The following DAP3 variants were observed in gnomAD, a reference collection of about 807,000 sequenced individuals.
DAP3 encodes the protein death associated protein 3.
In DAP3, 28 loss-of-function variants were observed where a neutral mutation model predicts 51.9. The ratio of observed to expected loss-of-function variants is 0.54; its 90% CI spans 0.40 to 0.74. The LOEUF (loss-of-function observed/expected upper bound fraction) is 0.74. DAP3 is among the 30% of genes least tolerant of loss of function. The probability of loss-of-function intolerance (pLI) is 0.00; values close to 1 mark genes in which losing one functional copy is unlikely to be tolerated. For missense variants in DAP3, 458 were observed against 483.5 expected, an observed-to-expected ratio of 0.95 and a Z score of 0.49; for synonymous variants, 170 against 170.3, an observed-to-expected ratio of 1.00 and a Z score of 0.01.
chr1:155,730,179 A>G (rs989685621), intron 9 of DAP3, among the ~76,000 whole-genome samples: 6 of 147,904 alleles, frequency 4.1e-5, no homozygotes, highest in Non-Finnish European at 7.4e-5. Context: ...ATGTTCATAT[A>G]TGTATATATA....
At chr1:155,696,580 A>C (rs1055077852) in intron 1 of DAP3, among the ~76,000 whole-genome samples, 5 of 152,266 alleles carry the variant, frequency 3.3e-5, no homozygotes, top group Admixed American at 1.3e-4. Flanking sequence ...TGTTATAAGC[A>C]ATCCAGCATT....
chr1:155,689,669 T>G, intron 1 of DAP3: 1 of 328,010 alleles, frequency 3.0e-6, no homozygotes, highest in Non-Finnish European at 5.9e-6. Flanking sequence ...ATCCCAGCAC[T>G]TTGGGAGGCC....
At chr1:155,704,705 G>A (rs537969928) in intron 1 of DAP3, among the ~76,000 whole-genome samples, 26 of 152,282 alleles carry the variant, frequency 1.7e-4, no homozygotes, top group African/African-American at 5.5e-4. Flanking sequence ...GTATGGCTGG[G>A]CAGGTGGCTT....
At chr1:155,700,743 T>G (rs1289757502) in intron 1 of DAP3, among the ~76,000 whole-genome samples, 17 of 87,410 alleles carry the variant, frequency 1.9e-4, no homozygotes, top group East Asian at 3.5e-4. Flanking sequence ...GGGAGGGAGG[T>G]GGGGGGGTCA....
chr1:155,721,420 A>G, intron 3 of DAP3, 97 bp from the exon 4 acceptor site: 2 of 693,528 alleles, frequency 2.9e-6, no homozygotes, highest in East Asian at 5.6e-5. Flanking sequence ...ATATATATAC[A>G]CATAGACATA....
chr1:155,716,856 A>G, intron 2 of DAP3, 150 bp from the exon 3 acceptor site: 1 of 1,074,976 alleles, frequency 9.3e-7, no homozygotes, highest in Non-Finnish European at 1.3e-6. Flanking sequence ...CTGAGGCAGG[A>G]GAATCACTTG....
At chr1:155,734,566 C>T (rs1257888816) in intron 11 of DAP3, among the ~76,000 whole-genome samples, 3 of 152,146 alleles carry the variant, frequency 2.0e-5, no homozygotes, top group Non-Finnish European at 2.9e-5. Context: ...CCTGGAATCT[C>T]CATTTCTCCA....
upstream of DAP3, chr1:155,688,692 C>T (rs2149090660): frequency 4.6e-6 from 7 of 1,525,252 alleles, no homozygotes; most frequent in Non-Finnish European, 5.2e-6. Flanking sequence ...TTCTCCACCT[C>T]CTCTTCTCTC....
chr1:155,692,310 A>G (rs1312416226), intron 1 of DAP3, among the ~76,000 whole-genome samples: 1 of 141,586 alleles, frequency 7.1e-6, no homozygotes, highest in Non-Finnish European at 1.5e-5. Context: ...GGCTTTCCAC[A>G]ACTTACTGTC....
upstream of DAP3, chr1:155,688,229 G>A: frequency 1.2e-6 from 2 of 1,613,032 alleles, no homozygotes; most frequent in Non-Finnish European, 1.7e-6. Flanking sequence ...GAGGAGAAGG[G>A]AAAGGTGGAG....
At chr1:155,720,516 C>T (rs2149172591) in intron 3 of DAP3, among the ~76,000 whole-genome samples, 1 of 151,686 alleles carries the variant, frequency 6.6e-6, no homozygotes, top group African/African-American at 2.4e-5. Flanking sequence ...GGCATGGTGG[C>T]ACATGCCTGT....
intron 2 of DAP3, among the ~76,000 whole-genome samples, chr1:155,715,611 A>G (rs1657243793): frequency 6.6e-6 from 1 of 151,644 alleles, no homozygotes; most frequent in African/African-American, 2.4e-5. Flanking sequence ...TTATTAAGCA[A>G]CTCCCTTATT....
rs949264882 is a variant in DAP3 at position 155,731,258 on chromosome 1, C to T, written c.844-98C>T. 6 of 1,212,368 alleles carry T rather than the reference C, an allele frequency of 4.9e-6. No individual in the cohort carries two copies. In the East Asian group the frequency reaches 1.2e-4, roughly 24 times the overall value. 75.1% of individuals were successfully genotyped at this position (1,212,368 alleles called of 1,614,324 possible). A position where few individuals can be genotyped will look rare whatever the true frequency, so the allele number is the denominator to read the frequency against. The stretch of plus-strand genomic sequence containing the variant: ...CTCCAGCCTGGGCGACAGAGCGAGA[C>T]TCTGTCAAAAAAAAAAAAAAATTGT... On this transcript the variant is annotated intron_variant, in intron 9 of 12. Transcript: ENST00000368336.
intron 6 of DAP3, 166 bp from the exon 7 acceptor site, chr1:155,727,442 C>T: frequency 1.7e-6 from 1 of 602,348 alleles, no homozygotes; most frequent in South Asian, 3.5e-5. Flanking sequence ...GCCTTCTAGC[C>T]TGGGTGACAG....
chr1:155,700,783 G>T (rs1479832198), intron 1 of DAP3, among the ~76,000 whole-genome samples: 2 of 139,708 alleles, frequency 1.4e-5, no homozygotes, highest in African/African-American at 2.7e-5. Flanking sequence ...GCGCCGTCTG[G>T]GAGGTGAGGG....
chr1:155,735,144 G>A (rs142746211), intron 11 of DAP3, among the ~76,000 whole-genome samples: 148 of 151,416 alleles, frequency 9.8e-4, no homozygotes, highest in African/African-American at 3.2e-3. Flanking sequence ...TTAGCCGGGC[G>A]TGGTGGGGCG....
rs2101541167 is a variant in DAP3 at position 155,738,458 on chromosome 1, T to A, written c.*216T>A. ...CCTTGTTCCTAAAACTTTATATCAG[T>A]TTATTGGATGTGGTTTTTCACATTT... On this transcript the variant is annotated 3_prime_UTR_variant, in exon 13 of 13. Coordinates refer to ENST00000368336, the MANE Select transcript of DAP3 (RefSeq NM_004632.4). 2 of 427,884 alleles carry A rather than the reference T, an allele frequency of 4.7e-6. No homozygotes were observed. The highest frequency in any genetic ancestry group is 8.2e-6 in the Non-Finnish European group (2 of 242,666). 26.5% of individuals were successfully genotyped at this position (427,884 alleles called of 1,614,324 possible).
chr1:155,708,702 T>C (rs1461438785), intron 1 of DAP3, among the ~76,000 whole-genome samples: 2 of 130,380 alleles, frequency 1.5e-5, no homozygotes, highest in African/African-American at 2.9e-5. Context: ...TCCTGACTAA[T>C]TTTTTTTTTT....
chr1:155,701,677 A>C (rs1268389588), intron 1 of DAP3, among the ~76,000 whole-genome samples: 1 of 138,394 alleles, frequency 7.2e-6, no homozygotes, highest in Non-Finnish European at 1.5e-5. Flanking sequence ...ATTATCAATA[A>C]AAAAATAAAT....
Sources: gnomAD v4.1 joint callset for allele counts (sites outside exome capture counted in the v4.1 genomes callset) on GRCh38, gnomAD v4.1.1 for gene constraint, MANE v1.5 for transcripts, NCBI Gene and HGNC (gene_info 2026-07-23, HGNC 2026-07-21) for gene names.